The following SPTLC3 variants were observed in gnomAD, a reference collection of about 807,000 sequenced individuals.
The protein encoded by SPTLC3 is serine palmitoyltransferase long chain base subunit 3.
A neutral mutation model predicts 59.3 loss-of-function variants in SPTLC3; 36 were observed. That is an observed-to-expected ratio of 0.61 (90% CI 0.47 to 0.80). SPTLC3 has a LOEUF of 0.80. Ranked by LOEUF, SPTLC3 falls within the 30% of genes least tolerant of loss-of-function variation. The probability of loss-of-function intolerance (pLI) is 0.00; values close to 1 mark genes in which losing one functional copy is unlikely to be tolerated. For missense variants in SPTLC3, 625 were observed against 685.1 expected (o/e 0.91, Z 0.98); for synonymous variants, 257 against 240.8 (o/e 1.07, Z -0.62).
At chr20:13,152,843 T>C (rs2038679990) in intron 9 of SPTLC3, among the ~76,000 whole-genome samples, 1 of 152,152 alleles carries the variant, frequency 6.6e-6, no homozygotes. Context: ...TGGGGCCATT[T>C]CTCTAAGAAG....
At chr20:13,097,223 A>G (rs1989448483) in intron 6 of SPTLC3, among the ~76,000 whole-genome samples, 1 of 152,026 alleles carries the variant, frequency 6.6e-6, no homozygotes, top group South Asian at 2.1e-4. Context: ...CTAATCAGGG[A>G]AGAAGAAAAG....
At chr20:13,125,165 C>T (rs777145067) in intron 8 of SPTLC3, among the ~76,000 whole-genome samples, 1 of 152,142 alleles carries the variant, frequency 6.6e-6, no homozygotes. Context: ...AGCTCTGAGG[C>T]CCTCACCACT....
intron 4 of SPTLC3, among the ~76,000 whole-genome samples, chr20:13,077,995 C>T (rs1401463742): frequency 6.6e-6 from 1 of 151,298 alleles, no homozygotes. Flanking sequence ...GATAAGCAGC[C>T]ACAGGTGACA....
At chr20:13,038,818 C>A (rs1421731591) in intron 1 of SPTLC3, among the ~76,000 whole-genome samples, 1 of 152,082 alleles carries the variant, frequency 6.6e-6, no homozygotes, top group African/African-American at 2.4e-5. Context: ...TTAGCTATAT[C>A]TAATAAGTTT....
chr20:13,076,271 T>TGG, intron 4 of SPTLC3, among the ~76,000 whole-genome samples: 1 of 152,172 alleles, frequency 6.6e-6, no homozygotes, highest in East Asian at 1.9e-4. Flanking sequence ...AATCTTAACA[T>TGG]GGCATGCAAG....
Position 13,034,500 on chromosome 20 carries a change from T to C in SPTLC3, c.118-14445T>C, listed in dbSNP as rs1404085382. On this transcript the variant is annotated intron_variant, in intron 1 of 11. Coordinates refer to ENST00000399002, the MANE Select transcript of SPTLC3 (RefSeq NM_018327.4). ...AGCAGATTAGAGTTAGACCTCCTGA[T>C]GGTGTCCCATAATTCTTGTGGTCTT... Among the ~76,000 whole-genome samples the C allele has an allele frequency of 4.6e-5, 7 of 152,310 alleles. No homozygotes were observed. The East Asian group carries it at 1.2e-3, about 25-fold the overall frequency.
At chr20:13,118,331 T>C (rs1165021396) in intron 8 of SPTLC3, among the ~76,000 whole-genome samples, 1 of 151,596 alleles carries the variant, frequency 6.6e-6, no homozygotes, top group African/African-American at 2.4e-5. Flanking sequence ...ATAGGTCAAA[T>C]CCTGCCATTC....
chr20:13,104,251 C>T (rs142901466), intron 6 of SPTLC3, among the ~76,000 whole-genome samples: 179 of 152,272 alleles, frequency 1.2e-3, no homozygotes, highest in African/African-American at 4.0e-3. Context: ...GTGTCCCCAC[C>T]CAAATCTCAT....
chr20:13,082,020 A>C (rs932385279), intron 4 of SPTLC3, among the ~76,000 whole-genome samples: 1 of 152,180 alleles, frequency 6.6e-6, no homozygotes, highest in Admixed American at 6.5e-5. Flanking sequence ...GCACAGCTCA[A>C]TTTCAACTAG....
intron 10 of SPTLC3, among the ~76,000 whole-genome samples, chr20:13,155,726 T>C (rs2038753460): frequency 6.6e-6 from 1 of 152,020 alleles, no homozygotes. Context: ...CTCGGGAGGC[T>C]GAGGCAGGAA....
At chr20:13,074,794 T>C (rs1433619214) in intron 4 of SPTLC3, among the ~76,000 whole-genome samples, 1 of 152,194 alleles carries the variant, frequency 6.6e-6, no homozygotes, top group Non-Finnish European at 1.5e-5. Flanking sequence ...TCTTCCACTT[T>C]TCTTAACGAT....
At chr20:13,110,470 C>T (rs776581063) in intron 7 of SPTLC3, among the ~76,000 whole-genome samples, 32 of 152,180 alleles carry the variant, frequency 2.1e-4, no homozygotes, top group Non-Finnish European at 4.3e-4. Context: ...CCTCTCAAGG[C>T]ATTGCTAACT....
intron 1 of SPTLC3, among the ~76,000 whole-genome samples, chr20:13,016,078 A>G (rs1205948812): frequency 6.6e-6 from 1 of 152,120 alleles, no homozygotes; most frequent in East Asian, 1.9e-4. Context: ...ACTTTTAGAA[A>G]TGAATACAAA....
chr20:13,078,111 AAAT>A (rs1176260853), intron 4 of SPTLC3, among the ~76,000 whole-genome samples: 1 of 148,282 alleles, frequency 6.7e-6, no homozygotes, highest in African/African-American at 2.4e-5. Flanking sequence ...TATAAAATAT[AAAT>A]AATATTATTA....
At chr20:13,015,245 T>G (rs1020993259) in intron 1 of SPTLC3, among the ~76,000 whole-genome samples, 2 of 152,164 alleles carry the variant, frequency 1.3e-5, no homozygotes, top group African/African-American at 4.8e-5. Context: ...ATTTGTTCCC[T>G]TTGCACTCAA....
chr20:13,124,311 G>T (rs1391986970), intron 8 of SPTLC3, among the ~76,000 whole-genome samples: 1 of 151,962 alleles, frequency 6.6e-6, no homozygotes, highest in African/African-American at 2.4e-5. Context: ...AAGATGGAAG[G>T]GGGGAGGGGG....
intron 11 of SPTLC3, among the ~76,000 whole-genome samples, chr20:13,162,944 C>T (rs947811073): frequency 3.3e-5 from 5 of 152,188 alleles, no homozygotes; most frequent in East Asian, 3.9e-4. Flanking sequence ...ACTCTGAGCA[C>T]GAGTGTGTTC....
chr20:13,117,190 G>C (rs913852345), intron 7 of SPTLC3, among the ~76,000 whole-genome samples: 1 of 152,178 alleles, frequency 6.6e-6, no homozygotes, highest in African/African-American at 2.4e-5. Context: ...AATCCAGAAT[G>C]GTCAGTCTAG....
chr20:13,102,645 T>A (rs1405644584), intron 6 of SPTLC3, among the ~76,000 whole-genome samples: 1 of 152,182 alleles, frequency 6.6e-6, no homozygotes, highest in Non-Finnish European at 1.5e-5. Context: ...AGGTAGATGC[T>A]GCCAGCACCC....
Sources: allele counts gnomAD v4.1 joint callset (sites outside exome capture counted in the v4.1 genomes callset), GRCh38; gene constraint gnomAD v4.1.1; transcripts MANE v1.5; gene names NCBI Gene and HGNC (gene_info 2026-07-23, HGNC 2026-07-21).